The following CSRNP2 variants were observed in gnomAD, a reference collection of about 807,000 sequenced individuals.
The protein encoded by CSRNP2 is cysteine/serine-rich nuclear protein 2.
CSRNP2 carries 11 observed loss-of-function variants against 36.6 expected under a neutral mutation model. The ratio of observed to expected loss-of-function variants is 0.30; its 90% CI spans 0.19 to 0.50. CSRNP2 has a LOEUF of 0.50. Ranked by LOEUF, CSRNP2 falls within the 20% of genes least tolerant of loss-of-function variation. The probability of loss-of-function intolerance (pLI) is 0.98; values close to 1 mark genes in which losing one functional copy is unlikely to be tolerated. For missense variants in CSRNP2, 483 were observed against 691.4 expected (o/e 0.70, Z 3.38); for synonymous variants, 248 against 275.3 (o/e 0.90, Z 0.98).
At chr12:51,077,856 C>T (rs1939456769) in intron 1 of CSRNP2, among the ~76,000 whole-genome samples, 1 of 152,208 alleles carries the variant, frequency 6.6e-6, no homozygotes, top group Non-Finnish European at 1.5e-5. Flanking sequence ...ATATGGCATG[C>T]AGTGTTGTTT....
At chr12:51,073,535 C>T (rs1248924307) in intron 3 of CSRNP2, among the ~76,000 whole-genome samples, 2 of 151,614 alleles carry the variant, frequency 1.3e-5, no homozygotes, top group Non-Finnish European at 2.9e-5. Context: ...AGTTCGAGAC[C>T]AGCCTGGGCA....
intron 3 of CSRNP2, among the ~76,000 whole-genome samples, chr12:51,071,944 T>C (rs1282031965): frequency 1.3e-5 from 2 of 151,774 alleles, no homozygotes; most frequent in Non-Finnish European, 2.9e-5. Context: ...CATTCTAGAG[T>C]GAGAAAAACA....
chr12:51,067,522 A>C lies in CSRNP2; in HGVS notation c.708+151T>G, dbSNP rs1938526126. 1 of 702,416 alleles carries C rather than the reference A, an allele frequency of 1.4e-6. No individual in the cohort carries two copies. Among genetic ancestry groups the C allele is most frequent in the Non-Finnish European group, 2.4e-6 (1 of 423,028 alleles). 43.5% of individuals were successfully genotyped at this position (702,416 alleles called of 1,614,324 possible). A position where few individuals can be genotyped will look rare whatever the true frequency, so the allele number is the denominator to read the frequency against. On this transcript the variant is annotated intron_variant, in intron 4 of 4. Coordinates refer to ENST00000228515, the MANE Select transcript of CSRNP2 (RefSeq NM_030809.3). This position sits in a 1 kb window ranked among gnomAD's most constrained non-coding sequence, Gnocchi z 4.1. ...ATGCCTGGCCGTGTGCTGTTTGCTTACTCTGTTGACGGAGGAGGGTTGTGG... is the reference window on the plus strand; with the variant it reads ...ATGCCTGGCCGTGTGCTGTTTGCTTCCTCTGTTGACGGAGGAGGGTTGTGG...
At chr12:51,075,200 C>T (rs1210294213) in intron 2 of CSRNP2, among the ~76,000 whole-genome samples, 1 of 152,152 alleles carries the variant, frequency 6.6e-6, no homozygotes, top group East Asian at 1.9e-4. Flanking sequence ...CAGCCCCAAC[C>T]TCCCAGGCCC....
At chr12:51,073,716 A>T in intron 3 of CSRNP2, 107 bp downstream of exon 3, 2 of 1,187,494 alleles carry the variant, frequency 1.7e-6, no homozygotes, top group African/African-American at 1.9e-5. Context: ...ACAGAGCAAG[A>T]CTCTGTCCCA....
intron 3 of CSRNP2, among the ~76,000 whole-genome samples, chr12:51,072,634 C>CCT (rs200953906): frequency 0.017 from 1,505 of 88,354 alleles, 18 homozygotes; most frequent in Middle Eastern, 0.03. Flanking sequence ...CTTTTCCCAG[C>CCT]CTCTCTCTCT....
rs1291273218 is a variant in CSRNP2, at chr12:51,067,316, G to A, written c.708+357C>T. 1.3e-5 allele frequency among the ~76,000 whole-genome samples: 2 copies of A among 152,068 alleles called. No individual in the cohort carries two copies. Among genetic ancestry groups the A allele is most frequent in the East Asian group, 3.9e-4 (2 of 5,186 alleles). On this transcript the variant is annotated intron_variant, in intron 4 of 4. Coordinates refer to ENST00000228515, the MANE Select transcript of CSRNP2 (RefSeq NM_030809.3). This position sits in a 1 kb window ranked among gnomAD's most constrained non-coding sequence, Gnocchi z 4.1. ...CAAAAAAAGATGAGATACCTCCACAGCCTAAGAATCCTGTCATGCTTGTTT... is the reference window on the plus strand; with the variant it reads ...CAAAAAAAGATGAGATACCTCCACAACCTAAGAATCCTGTCATGCTTGTTT...
rs749118670 is a variant in CSRNP2, at chr12:51,067,706, C to T, written c.675G>A (p.Ala225=). 22 of 1,613,930 alleles carry T rather than the reference C, an allele frequency of 1.4e-5. No individual in the cohort carries two copies. The highest frequency in any genetic ancestry group is 5.0e-5 in the Admixed American group (3 of 59,996). ...TAATCCCAGCCTGGCTGCAGGCACACGCTTCTGGGTCACAATACAGTCGGC... is the reference window on the plus strand; with the variant it reads ...TAATCCCAGCCTGGCTGCAGGCACATGCTTCTGGGTCACAATACAGTCGGC... ...CDCRLYCDPE[A]CACSQAGIKC... Residue 225 remains alanine (A), a synonymous_variant, in exon 4 of 5, where the codon GCG becomes GCA. Coordinates refer to ENST00000228515, the MANE Select transcript of CSRNP2 (RefSeq NM_030809.3). The surrounding 1 kb of genome is among the most constrained non-coding windows in gnomAD (Gnocchi z 4.1).
rs71089741 is a variant in CSRNP2 at position 51,072,562 on chromosome 12, CAAAAAAAAAAAAAAAAA to C, written c.411+1244_411+1260del. Among the ~76,000 whole-genome samples the C allele has an allele frequency of 1.0e-4, 7 of 66,932 alleles. 1 individual carries two copies. The highest frequency in any genetic ancestry group is 1.8e-4 in the Admixed American group (1 of 5,564). 43.9% of individuals were successfully genotyped at this position (66,932 alleles called of 152,430 possible). The stretch of plus-strand genomic sequence containing the variant: ...TGGGCAACAGAGCTAGGCTCCGTCT[CAAAAAAAAAAAAAAAAA>C]AAAAAAAAAAAAAGAGTGGCTATGA... On this transcript the variant is annotated intron_variant, in intron 3 of 4. Transcript: ENST00000228515.
Position 51,061,640 on chromosome 12 carries a change from CTTAAA to C in CSRNP2, c.*2101_*2105del, listed in dbSNP as rs972030440. 2 of 152,504 alleles carry C rather than the reference CTTAAA, an allele frequency of 1.3e-5. No individual in the cohort carries two copies. Among genetic ancestry groups the C allele is most frequent in the Non-Finnish European group, 1.5e-5 (1 of 68,036 alleles). The allele number at this position is 152,504 out of a possible 1,614,324, so 9.4% of individuals were successfully genotyped here. On this transcript the variant is annotated 3_prime_UTR_variant, in exon 5 of 5. Coordinates refer to ENST00000228515, the MANE Select transcript of CSRNP2 (RefSeq NM_030809.3). ...CTGTAGCGTTAATGAAGGGGATGGACTTAAATTAAGAAACTACAGGTTTTCAGAAA... is the reference window on the plus strand; with the variant it reads ...CTGTAGCGTTAATGAAGGGGATGGACTTAAGAAACTACAGGTTTTCAGAAA...
At chr12:51,080,039 C>G (rs960855631) in intron 1 of CSRNP2, among the ~76,000 whole-genome samples, 2 of 137,644 alleles carry the variant, frequency 1.5e-5, no homozygotes, top group African/African-American at 5.6e-5. Flanking sequence ...CGCCATTGCA[C>G]TCCAGCCTGG....
chr12:51,082,228 C>T (rs1014807457), intron 1 of CSRNP2, among the ~76,000 whole-genome samples: 2 of 152,176 alleles, frequency 1.3e-5, no homozygotes, highest in African/African-American at 4.8e-5. Context: ...GGATCATGAA[C>T]TTACAAAGCA....
rs752342616 is a variant in CSRNP2 at position 51,067,919 on chromosome 12, C to T, written c.462G>A (p.Leu154=). The T allele has an allele frequency of 6.2e-7, 1 of 1,614,150 alleles. No homozygotes were observed. Among genetic ancestry groups the T allele is most frequent in the Non-Finnish European group, 8.5e-7 (1 of 1,180,024 alleles). Residue 154 remains leucine, a synonymous_variant, in exon 4 of 5, where the codon CTG becomes CTA. Coordinates refer to ENST00000228515, the MANE Select transcript of CSRNP2 (RefSeq NM_030809.3). The surrounding 1 kb of genome is among the most constrained non-coding windows in gnomAD (Gnocchi z 4.1). ...VESVEADGLT[L]DDVSDEDIDV... is the part of the protein sequence containing the mutation. ...CAATATCTTCATCTGACACATCATC[C>T]AGCGTCAGGCCATCAGCCTCCACCG...
At chr12:51,075,286 A>G (rs112789810) in intron 2 of CSRNP2, among the ~76,000 whole-genome samples, 5,667 of 151,748 alleles carry the variant, frequency 0.037, 342 homozygotes, top group African/African-American at 0.13. Flanking sequence ...TAATTTTTGT[A>G]TTTTTTGTAG....
At chr12:51,066,197 G>A (rs1164183260) in intron 4 of CSRNP2, among the ~76,000 whole-genome samples, 1 of 152,180 alleles carries the variant, frequency 6.6e-6, no homozygotes, top group Non-Finnish European at 1.5e-5. Flanking sequence ...GCTCACGCCT[G>A]TAATCCCAGC....
intron 1 of CSRNP2, among the ~76,000 whole-genome samples, chr12:51,079,798 G>T (rs1050333587): frequency 1.4e-5 from 2 of 138,740 alleles, no homozygotes; most frequent in African/African-American, 5.2e-5. Context: ...AAAAAAGCTG[G>T]GTGTGGTGGC....
intron 3 of CSRNP2, among the ~76,000 whole-genome samples, chr12:51,072,126 T>C (rs985648544): frequency 1.3e-5 from 2 of 152,188 alleles, no homozygotes; most frequent in African/African-American, 2.4e-5. Context: ...TGTTTTAATA[T>C]GGGTCAGCAT....
rs575838295 is a variant in CSRNP2, at chr12:51,083,200, C to A, written c.-87+139G>T. ...GCACCCGACCTCCCCGCCCCCCGAC[C>A]GCTCCCGTCCGAGCCTCTCATTTCT... On this transcript the variant is annotated intron_variant, in intron 1 of 4. Coordinates refer to ENST00000228515, the MANE Select transcript of CSRNP2 (RefSeq NM_030809.3). 3.4e-3 allele frequency: 519 copies of A among 152,812 alleles called. 2 individuals are homozygous for A. Among genetic ancestry groups the A allele is most frequent in the Admixed American group, 6.1e-3 (94 of 15,302 alleles). 9.5% of individuals were successfully genotyped at this position (152,812 alleles called of 1,614,324 possible). A position where few individuals can be genotyped will look rare whatever the true frequency, so the allele number is the denominator to read the frequency against.
At chr12:51,079,578 A>G (rs1939532606) in intron 1 of CSRNP2, among the ~76,000 whole-genome samples, 1 of 144,526 alleles carries the variant, frequency 6.9e-6, no homozygotes, top group South Asian at 2.3e-4. Flanking sequence ...CCTGACCAAC[A>G]TGGAGAAACC....
Sources: gnomAD v4.1 joint callset for allele counts (sites outside exome capture counted in the v4.1 genomes callset) on GRCh38, gnomAD v4.1.1 for gene constraint, Gnocchi (gnomAD v3.1) non-coding constraint, MANE v1.5 for transcripts, NCBI Gene and HGNC (gene_info 2026-07-23, HGNC 2026-07-21) for gene names.